The following UBXN7 variants were observed in gnomAD, a reference collection of about 807,000 sequenced individuals.
The protein encoded by UBXN7 is UBX domain protein 7, also known as UBX domain-containing protein 7.
Under a neutral mutation model 58.0 loss-of-function variants are expected in UBXN7, and 9 were observed. The observed-to-expected ratio is 0.16, with a 90% CI of 0.09 to 0.27. The LOEUF is 0.27. UBXN7 is among the 10% of genes least tolerant of loss of function. UBXN7 has a pLI of 1.00. For missense variants in UBXN7, 328 were observed against 599.6 expected (o/e 0.55, Z 4.73); for synonymous variants, 208 against 205.0 (o/e 1.01, Z -0.12).
rs1323728638 is a variant in UBXN7, at chr3:196,355,339, T to C, written c.*1346A>G. On this transcript the variant is annotated 3_prime_UTR_variant, in exon 11 of 11. Coordinates refer to ENST00000296328, the MANE Select transcript of UBXN7 (RefSeq NM_015562.2). ...CGAAATGAGCATAGGGTGAAGTTGA[T>C]GTGTAAATGGTATTCTACAGATTCA... is the stretch of plus-strand genomic sequence containing the variant. The C allele has an allele frequency of 6.6e-6, 1 of 152,212 alleles. No homozygotes were observed. Among genetic ancestry groups the C allele is most frequent in the East Asian group, 1.9e-4 (1 of 5,198 alleles). The allele number at this position is 152,212 out of a possible 1,614,324, so 9.4% of individuals were successfully genotyped here.
At chr3:196,401,655 G>A (rs1047217925) in intron 3 of UBXN7, among the ~76,000 whole-genome samples, 2 of 149,568 alleles carry the variant, frequency 1.3e-5, no homozygotes, top group African/African-American at 2.5e-5. Flanking sequence ...TAAGCCAGGC[G>A]TGGTGGCTCG....
rs1335898342 is a variant in UBXN7 at position 196,351,644 on chromosome 3, C to G, written c.*5041G>C. The G allele has an allele frequency of 6.6e-6, 1 of 152,142 alleles. No individual in the cohort carries two copies. Among genetic ancestry groups the G allele is most frequent in the Non-Finnish European group, 1.5e-5 (1 of 68,020 alleles). 9.4% of individuals were successfully genotyped at this position (152,142 alleles called of 1,614,324 possible). A position where few individuals can be genotyped will look rare whatever the true frequency, so the allele number is the denominator to read the frequency against. Reference sequence around the variant, plus strand: ...TTGTTGTTCTAGAAAAGGCTGAGAACTATTAATCTAGTCCAATTATCTCAT... The same window carrying G: ...TTGTTGTTCTAGAAAAGGCTGAGAAGTATTAATCTAGTCCAATTATCTCAT... On this transcript the variant is annotated 3_prime_UTR_variant, in exon 11 of 11. Coordinates refer to ENST00000296328, the MANE Select transcript of UBXN7 (RefSeq NM_015562.2).
intron 5 of UBXN7, among the ~76,000 whole-genome samples, chr3:196,390,510 G>C (rs1455610151): frequency 6.6e-6 from 1 of 152,110 alleles, no homozygotes; most frequent in African/African-American, 2.4e-5. Context: ...GGGAGGCTGA[G>C]GTGGGCAGAT....
At chr3:196,421,879 C>T (rs1427116283) in intron 1 of UBXN7, among the ~76,000 whole-genome samples, 2 of 151,794 alleles carry the variant, frequency 1.3e-5, no homozygotes, top group Non-Finnish European at 2.9e-5. Context: ...AATGACATAC[C>T]ATTACACACT....
At chr3:196,427,747 G>A (rs1730895780) in intron 1 of UBXN7, among the ~76,000 whole-genome samples, 1 of 152,216 alleles carries the variant, frequency 6.6e-6, no homozygotes, top group Admixed American at 6.5e-5. Context: ...AAATATCAGA[G>A]GAGATCAAAC....
In UBXN7 at chr3:196,365,818, T is replaced by C. The variant is rs187564185; in HGVS notation, c.834+2210A>G. The stretch of plus-strand genomic sequence containing the variant: ...AGTAGTCACGTATCTACCGATAAGA[T>C]TGAATTTGTAGTTTAAAATTTTCCA... On this transcript the variant is annotated intron_variant, in intron 8 of 10. Transcript: ENST00000296328. Among the ~76,000 whole-genome samples, 13 of 152,314 alleles carry C rather than the reference T, an allele frequency of 8.5e-5. No homozygotes were observed. In the South Asian group the frequency reaches 1.4e-3, roughly 17 times the overall value.
intron 1 of UBXN7, among the ~76,000 whole-genome samples, chr3:196,425,974 G>A (rs185820339): frequency 2.6e-5 from 4 of 152,176 alleles, no homozygotes; most frequent in African/African-American, 9.6e-5. Context: ...CAGACACCAC[G>A]CCTTGCTCAC....
chr3:196,401,298 T>TATATATATATACAC (rs1269101481), intron 3 of UBXN7, among the ~76,000 whole-genome samples: 5 of 61,688 alleles, frequency 8.1e-5, no homozygotes, highest in Non-Finnish European at 1.4e-4. Flanking sequence ...TATATATATA[T>TATATATATATACAC]ACACACACAC....
intron 10 of UBXN7, among the ~76,000 whole-genome samples, chr3:196,358,327 C>T (rs1048917317): frequency 6.6e-6 from 1 of 152,124 alleles, no homozygotes; most frequent in African/African-American, 2.4e-5. Context: ...CGTCCTTTTC[C>T]AGAAGTAGTC....
rs148640263 is a variant in UBXN7 at position 196,420,454 on chromosome 3, C to T, written c.73+11873G>A. 9.0e-3 allele frequency among the ~76,000 whole-genome samples: 1,370 copies of T among 151,822 alleles called. 16 individuals are homozygous for T. The highest frequency in any genetic ancestry group is 0.03 in the African/African-American group (1,255 of 41,368). On this transcript the variant is annotated intron_variant, in intron 1 of 10. Transcript: ENST00000296328. ...TCTGAGGCAGAAGAATCGTTTGACC[C>T]CGGGAGGTGGAGGTTGCAGTGAGCC...
intron 5 of UBXN7, among the ~76,000 whole-genome samples, chr3:196,375,010 GGAAGGAAGGAAGGAAGGA>G: frequency 8.5e-6 from 1 of 117,232 alleles, no homozygotes; most frequent in Admixed American, 8.4e-5. Context: ...GAGGGAGGAA[GGAAGGAAGGAAGGAAGGA>G]AGGAAGGAAG....
At chr3:196,357,251 C>T (rs549505416) in intron 10 of UBXN7, among the ~76,000 whole-genome samples, 3 of 152,334 alleles carry the variant, frequency 2.0e-5, no homozygotes, top group Non-Finnish European at 4.4e-5. Context: ...TCTCTTCTTG[C>T]CTTCTCAGAA....
intron 6 of UBXN7, 78 bp downstream of exon 6, chr3:196,371,817 TA>T: frequency 6.6e-7 from 1 of 1,525,052 alleles, no homozygotes; most frequent in Non-Finnish European, 8.8e-7. Flanking sequence ...TAATTCATTA[TA>T]ACCCAATTCC....
chr3:196,402,936 A>G lies in UBXN7; in HGVS notation c.289+16T>C. Reference sequence around the variant, plus strand: ...GAACAAAATCAAATAAGGCTAAGGGAAAAAAGTGAACTTACCACCAAATAA... The same window carrying G: ...GAACAAAATCAAATAAGGCTAAGGGGAAAAAGTGAACTTACCACCAAATAA... On this transcript the variant is annotated intron_variant, in intron 3 of 10. Transcript: ENST00000296328. 6.3e-7 allele frequency: 1 copy of G among 1,588,960 alleles called. No homozygotes were observed. Among genetic ancestry groups the G allele is most frequent in the Non-Finnish European group, 8.5e-7 (1 of 1,174,506 alleles).
intron 3 of UBXN7, among the ~76,000 whole-genome samples, chr3:196,394,043 C>T (rs1453438962): frequency 6.6e-6 from 1 of 152,020 alleles, no homozygotes; most frequent in African/African-American, 2.4e-5. Context: ...AATCCCAGCA[C>T]TTTGGGAGGC....
At chr3:196,358,262 A>G (rs187409902) in intron 10 of UBXN7, among the ~76,000 whole-genome samples, 1 of 152,298 alleles carries the variant, frequency 6.6e-6, no homozygotes, top group Non-Finnish European at 1.5e-5. Flanking sequence ...CAGTTCTTAA[A>G]CACTTTGCAG....
At chr3:196,427,637 T>C (rs1044512130) in intron 1 of UBXN7, among the ~76,000 whole-genome samples, 7 of 152,154 alleles carry the variant, frequency 4.6e-5, no homozygotes, top group African/African-American at 1.2e-4. Flanking sequence ...TTTTTAAAAA[T>C]TGCTCTTTCA....
At chr3:196,379,317 G>T (rs1729126299) in intron 5 of UBXN7, among the ~76,000 whole-genome samples, 1 of 152,128 alleles carries the variant, frequency 6.6e-6, no homozygotes, top group Non-Finnish European at 1.5e-5. Flanking sequence ...ACTGCAACAT[G>T]TTTCATCAGC....
chr3:196,401,298 T>TATATATATATATATACAC (rs1269101481), intron 3 of UBXN7, among the ~76,000 whole-genome samples: 1 of 61,692 alleles, frequency 1.6e-5, no homozygotes, highest in Non-Finnish European at 2.7e-5. Context: ...TATATATATA[T>TATATATATATATATACAC]ACACACACAC....
Sources: allele counts gnomAD v4.1 joint callset (sites outside exome capture counted in the v4.1 genomes callset), GRCh38; gene constraint gnomAD v4.1.1; transcripts MANE v1.5; gene names NCBI Gene and HGNC (gene_info 2026-07-23, HGNC 2026-07-21).